Variants in MYRIP observed in about 807,000 individuals in gnomAD.
MYRIP encodes the protein myosin VIIA and Rab interacting protein, also known as rab effector MyRIP.
A neutral mutation model predicts 98.0 loss-of-function variants in MYRIP; 49 were observed. The ratio of observed to expected loss-of-function variants is 0.50; its 90% CI spans 0.40 to 0.63. The LOEUF (loss-of-function observed/expected upper bound fraction) is 0.63. Among genes scored for constraint, MYRIP ranks in the 30% least tolerant of loss-of-function variants. The probability of loss-of-function intolerance (pLI) is 0.00; values close to 1 mark genes in which losing one functional copy is unlikely to be tolerated. For synonymous variants in MYRIP, 404 were observed against 409.5 expected (o/e 0.99, Z 0.16); for missense variants, 1,004 against 1,058.2 (o/e 0.95, Z 0.71).
intron 1 of MYRIP, among the ~76,000 whole-genome samples, chr3:39,865,989 A>G (rs568622349): frequency 1.3e-5 from 2 of 152,328 alleles, no homozygotes; most frequent in East Asian, 3.9e-4. Flanking sequence ...AATACTATGC[A>G]GGCATAAAAA....
chr3:39,945,491 A>AG (rs1559531678), intron 2 of MYRIP, among the ~76,000 whole-genome samples: 3 of 128,062 alleles, frequency 2.3e-5, no homozygotes, highest in Non-Finnish European at 4.7e-5. Flanking sequence ...AAAAAAAAAA[A>AG]GAAAAAAGAA....
intron 2 of MYRIP, among the ~76,000 whole-genome samples, chr3:40,000,381 G>T (rs1658284584): frequency 6.6e-6 from 1 of 152,078 alleles, no homozygotes; most frequent in Non-Finnish European, 1.5e-5. Context: ...GAGTGTAGTG[G>T]TCATGCTGCA....
At chr3:40,097,471 A>G (rs1367413317) in intron 3 of MYRIP, among the ~76,000 whole-genome samples, 1 of 152,200 alleles carries the variant, frequency 6.6e-6, no homozygotes, top group African/African-American at 2.4e-5. Context: ...TTGGTAGGAA[A>G]AAAAAAAGTC....
Position 40,260,213 on chromosome 3 carries a change from T to A in MYRIP, c.*2047T>A, listed in dbSNP as rs1953722180. On this transcript the variant is annotated 3_prime_UTR_variant, in exon 17 of 17. Transcript: ENST00000302541. ...GTTTAAGAAAATGAGGACAACAGGA[T>A]AATATCTTTGATGACTTCTGAAAGT... is the stretch of plus-strand genomic sequence containing the variant. 6.6e-6 allele frequency: 1 copy of A among 152,248 alleles called. No homozygotes were observed. Among genetic ancestry groups the A allele is most frequent in the Non-Finnish European group, 1.5e-5 (1 of 68,042 alleles). The allele number at this position is 152,248 out of a possible 1,614,324, so 9.4% of individuals were successfully genotyped here.
chr3:40,101,335 CT>C (rs1948941915), intron 3 of MYRIP, among the ~76,000 whole-genome samples: 1 of 152,114 alleles, frequency 6.6e-6, no homozygotes, highest in African/African-American at 2.4e-5. Context: ...GCTTTTTCCC[CT>C]CTTTGAAAGT....
chr3:40,019,469 C>G (rs549497436), intron 2 of MYRIP, among the ~76,000 whole-genome samples: 1 of 152,312 alleles, frequency 6.6e-6, no homozygotes, highest in East Asian at 1.9e-4. Flanking sequence ...TGCACCCCAC[C>G]TCCCTGATTG....
intron 8 of MYRIP, among the ~76,000 whole-genome samples, chr3:40,179,211 T>C (rs1300940196): frequency 1.3e-5 from 2 of 152,354 alleles, no homozygotes; most frequent in African/African-American, 4.8e-5. Context: ...CTCAGAACTG[T>C]CTTTTTCCAC....
At chr3:39,822,682 C>G (rs1941138171) in intron 1 of MYRIP, among the ~76,000 whole-genome samples, 1 of 152,180 alleles carries the variant, frequency 6.6e-6, no homozygotes, top group Non-Finnish European at 1.5e-5. Flanking sequence ...ACAATTCTCT[C>G]CCTTTCTCTA....
intron 3 of MYRIP, among the ~76,000 whole-genome samples, chr3:40,079,542 CAT>C (rs1003765309): frequency 3.9e-5 from 6 of 152,218 alleles, no homozygotes; most frequent in African/African-American, 1.2e-4. Context: ...TCAGAGCACA[CAT>C]GAGTGCTAAA....
At chr3:40,209,573 T>C (rs1031421284) in intron 10 of MYRIP, among the ~76,000 whole-genome samples, 3 of 151,950 alleles carry the variant, frequency 2.0e-5, no homozygotes, top group Non-Finnish European at 2.9e-5. Context: ...ACCAGCACAG[T>C]GCTGCCCATG....
intron 2 of MYRIP, among the ~76,000 whole-genome samples, chr3:40,037,685 A>G (rs867078799): frequency 7.9e-5 from 12 of 151,734 alleles, no homozygotes; most frequent in African/African-American, 2.7e-4. Flanking sequence ...CCTCCTGCCT[A>G]CCCTGAGATG....
chr3:39,964,386 G>T (rs1040262531), intron 2 of MYRIP, among the ~76,000 whole-genome samples: 7 of 152,146 alleles, frequency 4.6e-5, no homozygotes, highest in African/African-American at 1.7e-4. Flanking sequence ...TGATAAAGAG[G>T]TGGCAGCATA....
intron 2 of MYRIP, among the ~76,000 whole-genome samples, chr3:39,943,128 G>A (rs1005299197): frequency 2.0e-5 from 3 of 152,096 alleles, no homozygotes; most frequent in African/African-American, 7.2e-5. Context: ...GTTCAAGAAT[G>A]TGAAGTGATC....
chr3:40,100,292 C>T (rs1206101326), intron 3 of MYRIP: 2 of 982,342 alleles, frequency 2.0e-6, no homozygotes, highest in Non-Finnish European at 2.4e-6. Context: ...TCCTTTATTT[C>T]ACAATTTGCT....
chr3:40,046,647 C>T (rs936774615), intron 3 of MYRIP, among the ~76,000 whole-genome samples: 2 of 149,788 alleles, frequency 1.3e-5, no homozygotes, highest in Non-Finnish European at 3.0e-5. Context: ...GCAGAGTCAC[C>T]CAAGGTGTGT....
intron 3 of MYRIP, among the ~76,000 whole-genome samples, chr3:40,105,954 A>G (rs1239582862): frequency 6.6e-6 from 1 of 152,058 alleles, no homozygotes; most frequent in East Asian, 1.9e-4. Context: ...TTGGGTGGGG[A>G]CACAACCAAA....
intron 2 of MYRIP, among the ~76,000 whole-genome samples, chr3:39,942,889 A>G (rs1944822377): frequency 6.6e-6 from 1 of 152,102 alleles, no homozygotes; most frequent in South Asian, 2.1e-4. Flanking sequence ...ACTCCCACAT[A>G]TGATATGAGT....
chr3:39,906,476 G>A (rs1229282038), intron 2 of MYRIP, among the ~76,000 whole-genome samples: 1 of 152,118 alleles, frequency 6.6e-6, no homozygotes, highest in Non-Finnish European at 1.5e-5. Flanking sequence ...CATACTGAGT[G>A]CCTAAACAGA....
At chr3:40,041,506 A>G (rs540733017) in intron 2 of MYRIP, among the ~76,000 whole-genome samples, 34 of 150,772 alleles carry the variant, frequency 2.3e-4, no homozygotes, top group African/African-American at 8.0e-4. Context: ...GAACCATCAC[A>G]CAAATCCAAA....
Sources: gnomAD v4.1 joint callset for allele counts (sites outside exome capture counted in the v4.1 genomes callset) on GRCh38, gnomAD v4.1.1 for gene constraint, MANE v1.5 for transcripts, NCBI Gene and HGNC (gene_info 2026-07-23, HGNC 2026-07-21) for gene names.